SMARCAD1: variants seen among roughly 807,000 people sequenced by gnomAD.
SMARCAD1 encodes SWI/SNF-related matrix-associated actin-dependent regulator of chromatin subfamily A containing DEAD/H box 1.
SMARCAD1 carries 25 observed loss-of-function variants against 127.1 expected under a neutral mutation model. The ratio of observed to expected loss-of-function variants is 0.20; its 90% CI spans 0.14 to 0.27. The LOEUF (loss-of-function observed/expected upper bound fraction) is 0.27. SMARCAD1 is among the 10% of genes least tolerant of loss of function. The pLI is 1.00. For missense variants in SMARCAD1, 807 were observed against 1,206.0 expected (o/e 0.67, Z 4.90); for synonymous variants, 400 against 396.9 (o/e 1.01, Z -0.09).
intron 3 of SMARCAD1, among the ~76,000 whole-genome samples, chr4:94,233,101 C>T (rs1746103743): frequency 6.6e-6 from 1 of 152,154 alleles, no homozygotes; most frequent in African/African-American, 2.4e-5. Flanking sequence ...AGAGAAATTG[C>T]ATATTCTAGA....
intron 2 of SMARCAD1, among the ~76,000 whole-genome samples, chr4:94,221,453 T>C (rs1249856069): frequency 2.0e-5 from 3 of 152,174 alleles, no homozygotes; most frequent in Admixed American, 6.5e-5. Flanking sequence ...AAGAAAAATA[T>C]TCACAATAAT....
At chr4:94,249,612 G>A in intron 6 of SMARCAD1, 42 bp from the exon 7 acceptor site, 1 of 1,020,174 alleles carries the variant, frequency 9.8e-7, no homozygotes, top group Non-Finnish European at 1.6e-6. Flanking sequence ...CATTGTTATT[G>A]ATATCTCTTA....
At chr4:94,240,614 C>T (rs1747430258) in intron 5 of SMARCAD1, among the ~76,000 whole-genome samples, 1 of 152,122 alleles carries the variant, frequency 6.6e-6, no homozygotes, top group South Asian at 2.1e-4. Context: ...AAGAATCCCT[C>T]CCTCCTAATG....
At position 94,208,037 on chromosome 4, in the gene SMARCAD1, G is replaced by A. The variant is rs1420867769; in HGVS notation, c.-83G>A. 4.4e-6 allele frequency: 2 copies of A among 458,410 alleles called. No individual in the cohort carries two copies. Among genetic ancestry groups the A allele is most frequent in the Admixed American group, 4.7e-5 (2 of 42,306 alleles). 28.4% of individuals were successfully genotyped at this position (458,410 alleles called of 1,614,324 possible). On this transcript the variant is annotated 5_prime_UTR_variant, in exon 1 of 24. Coordinates refer to ENST00000354268, the MANE Select transcript of SMARCAD1 (RefSeq NM_020159.5). The stretch of plus-strand genomic sequence containing the variant: ...TGGGCGGGCGCGAGGCCCGCTAGGG[G>A]GTTATACTGGGGAACGTGCCTGCGC...
chr4:94,273,579 G>T (rs753631982), intron 11 of SMARCAD1, 38 bp from the exon 12 acceptor site: 3 of 1,431,106 alleles, frequency 2.1e-6, no homozygotes, highest in East Asian at 2.4e-5. Context: ...TTTTTTGTTT[G>T]TTTTAAAATG....
intron 16 of SMARCAD1, among the ~76,000 whole-genome samples, chr4:94,277,459 ACAT>A (rs1377549958): frequency 6.6e-6 from 1 of 152,226 alleles, no homozygotes; most frequent in African/African-American, 2.4e-5. Flanking sequence ...TTTGATCATT[ACAT>A]CATCTGTATC....
chr4:94,269,195 A>G (rs1204138850), intron 10 of SMARCAD1, among the ~76,000 whole-genome samples: 2 of 152,214 alleles, frequency 1.3e-5, no homozygotes, highest in Admixed American at 6.5e-5. Flanking sequence ...ACATCATTCA[A>G]CTACCTGTTC....
rs1337172808 is a variant in SMARCAD1 at position 94,252,909 on chromosome 4, G to A, written c.1183G>A (p.Asp395Asn). 1 of 1,614,126 alleles carries A rather than the reference G, an allele frequency of 6.2e-7. No homozygotes were observed. Among genetic ancestry groups the A allele is most frequent in the South Asian group, 1.1e-5 (1 of 91,078 alleles). Residue 395 changes from aspartate to asparagine, a missense_variant, in exon 9 of 24, where the codon GAT becomes AAT. Transcript: ENST00000354268. ...YKGKILHFLQ[D>N]ASIGELTLIP... The stretch of plus-strand genomic sequence containing the variant: ...AGGTAAAATTCTTCACTTCCTTCAA[G>A]ATGCTTCAATTGGTGAACTTACTTT...
intron 2 of SMARCAD1, 36 bp from the exon 3 acceptor site, chr4:94,226,083 G>T (rs2125833721): frequency 1.3e-6 from 2 of 1,536,536 alleles, no homozygotes; most frequent in Middle Eastern, 2.0e-4. Context: ...TTTTCCAGTT[G>T]CTCAAAATAT....
At chr4:94,246,158 TGTC>T (rs1395877355) in intron 6 of SMARCAD1, among the ~76,000 whole-genome samples, 19 of 151,554 alleles carry the variant, frequency 1.3e-4, no homozygotes, top group Non-Finnish European at 2.9e-5. Context: ...CTCGCACTGT[TGTC>T]TGGGCTGGAG....
intron 9 of SMARCAD1, among the ~76,000 whole-genome samples, chr4:94,255,655 A>G (rs934940210): frequency 2.0e-5 from 3 of 152,124 alleles, no homozygotes; most frequent in Non-Finnish European, 4.4e-5. Context: ...TTTCTATACT[A>G]CTATGACTTA....
intron 9 of SMARCAD1, among the ~76,000 whole-genome samples, chr4:94,264,169 A>G (rs1166329506): frequency 6.6e-6 from 1 of 151,892 alleles, no homozygotes; most frequent in Non-Finnish European, 1.5e-5. Flanking sequence ...ATCAAGTGAC[A>G]AATAATTAGA....
At chr4:94,235,079 T>G (rs1047014593) in intron 4 of SMARCAD1, among the ~76,000 whole-genome samples, 2 of 152,124 alleles carry the variant, frequency 1.3e-5, no homozygotes, top group African/African-American at 4.8e-5. Flanking sequence ...GCTATATTCC[T>G]ATGCCTAAAA....
intron 15 of SMARCAD1, 108 bp from the exon 16 acceptor site, chr4:94,276,910 TAATA>T (rs747037473): frequency 9.2e-7 from 1 of 1,088,718 alleles, no homozygotes; most frequent in Non-Finnish European, 1.4e-6. Context: ...GTTAAATTAT[TAATA>T]ATGGTTTTAA....
chr4:94,250,837 A>G lies in SMARCAD1; in HGVS notation c.889+4A>G, dbSNP rs1749169975. The G allele has an allele frequency of 6.2e-7, 1 of 1,605,466 alleles. No individual in the cohort carries two copies. The highest frequency in any genetic ancestry group is 8.5e-7 in the Non-Finnish European group (1 of 1,172,648). On this transcript the variant is annotated splice_donor_region_variant and intron_variant, in intron 8 of 23. Transcript: ENST00000354268. ...AAAGTGTTTGCAGAAGACCAAGGTA[A>G]TTATTCTGGGTCATAGAAAATACAT...
intron 3 of SMARCAD1, among the ~76,000 whole-genome samples, chr4:94,231,995 G>A (rs1560523742): frequency 1.3e-5 from 2 of 151,904 alleles, no homozygotes; most frequent in Non-Finnish European, 2.9e-5. Flanking sequence ...CCTAGTAGGT[G>A]GGATTACAGG....
At chr4:94,262,083 T>C (rs1418887936) in intron 9 of SMARCAD1, among the ~76,000 whole-genome samples, 2 of 152,232 alleles carry the variant, frequency 1.3e-5, no homozygotes, top group Non-Finnish European at 2.9e-5. Context: ...CAATTTCATG[T>C]GCTTTTCCTT....
At chr4:94,215,147 G>A (rs980082052) in intron 2 of SMARCAD1, among the ~76,000 whole-genome samples, 1 of 152,136 alleles carries the variant, frequency 6.6e-6, no homozygotes, top group African/African-American at 2.4e-5. Context: ...CTTTTTGTAG[G>A]TGTCTGTGGC....
intron 6 of SMARCAD1, among the ~76,000 whole-genome samples, chr4:94,247,201 A>ACTG (rs1181408888): frequency 3.9e-5 from 6 of 152,154 alleles, no homozygotes; most frequent in African/African-American, 1.4e-4. Flanking sequence ...GGGTCAGGGA[A>ACTG]CTGATATAGT....
Sources: allele counts gnomAD v4.1 joint callset (sites outside exome capture counted in the v4.1 genomes callset), GRCh38; gene constraint gnomAD v4.1.1; transcripts MANE v1.5; gene names NCBI Gene and HGNC (gene_info 2026-07-23, HGNC 2026-07-21).